Variants in SEMA5B observed in about 807,000 individuals in gnomAD.
The protein encoded by SEMA5B is semaphorin-5B.
A neutral mutation model predicts 135.0 loss-of-function variants in SEMA5B; 66 were observed. That is an observed-to-expected ratio of 0.49 (90% CI 0.40 to 0.60). SEMA5B has a LOEUF of 0.60. Ranked by LOEUF, SEMA5B falls within the 20% of genes least tolerant of loss-of-function variation. The probability of loss-of-function intolerance (pLI) is 0.00; values close to 1 mark genes in which losing one functional copy is unlikely to be tolerated. For missense variants in SEMA5B, 1,501 were observed against 1,566.3 expected (o/e 0.96, Z 0.70); for synonymous variants, 690 against 639.5 (o/e 1.08, Z -1.19).
intron 11 of SEMA5B, 58 bp from the exon 12 acceptor site, chr3:122,922,180 C>T: frequency 6.4e-7 from 1 of 1,566,938 alleles, no homozygotes; most frequent in Non-Finnish European, 8.7e-7. Flanking sequence ...AGCTTGCAGC[C>T]CCGCGCCGTC....
intron 1 of SEMA5B, among the ~76,000 whole-genome samples, chr3:122,993,742 TTGCCACCCGCTCTGGGAGGGTGATAA>T (rs1941946426): frequency 8.8e-6 from 1 of 114,250 alleles, no homozygotes; most frequent in East Asian, 2.6e-4. Flanking sequence ...CCCCGCCCCC[TTGCCACCCGCTCTGGGAGGGTGATAA>T]TGCCACCCCT....
intron 1 of SEMA5B, among the ~76,000 whole-genome samples, chr3:123,023,704 C>A (rs879405499): frequency 1.3e-5 from 2 of 152,226 alleles, no homozygotes; most frequent in Non-Finnish European, 2.9e-5. Context: ...GTCCCCCAGA[C>A]AAACCCACAG....
intron 1 of SEMA5B, among the ~76,000 whole-genome samples, chr3:122,976,766 G>A (rs560299930): frequency 3.9e-5 from 6 of 152,118 alleles, no homozygotes; most frequent in African/African-American, 1.2e-4. Flanking sequence ...AAAGCCCTCC[G>A]GGGCCAGGCG....
At chr3:123,014,086 C>A (rs1484652363) in intron 1 of SEMA5B, among the ~76,000 whole-genome samples, 2 of 152,216 alleles carry the variant, frequency 1.3e-5, no homozygotes, top group Non-Finnish European at 2.9e-5. Flanking sequence ...AGGGAACATG[C>A]AAATGAGGCT....
At chr3:122,918,292 C>G (rs138684072) in intron 12 of SEMA5B, among the ~76,000 whole-genome samples, 20 of 152,324 alleles carry the variant, frequency 1.3e-4, no homozygotes, top group African/African-American at 4.3e-4. Flanking sequence ...CATCTAGAGC[C>G]TAACCAGTTT....
Position 122,929,063 on chromosome 3 carries a change from G to A in SEMA5B, c.475-5C>T. ...ACTGGAGGCCCACTCTGTGGCCTGG[G>A]GGAGGAACATAGGAGCACACAGACA... On this transcript the variant is annotated splice_polypyrimidine_tract_variant and splice_region_variant and intron_variant, in intron 5 of 22. Transcript: ENST00000357599. 6.2e-7 allele frequency: 1 copy of A among 1,611,170 alleles called. No individual in the cohort carries two copies. The highest frequency in any genetic ancestry group is 8.5e-7 in the Non-Finnish European group (1 of 1,179,854).
Position 122,927,782 on chromosome 3 carries a change from C to T in SEMA5B, c.850+8G>A. On this transcript the variant is annotated splice_region_variant and intron_variant, in intron 8 of 22. Transcript: ENST00000357599. The stretch of plus-strand genomic sequence containing the variant: ...GAGTCCCCACCCCTGGCACTGGGGC[C>T]TCCTTACCATTAAGCCACTTGGAGT... 3 of 1,406,582 alleles carry T rather than the reference C, an allele frequency of 2.1e-6. No individual in the cohort carries two copies. The highest frequency in any genetic ancestry group is 2.9e-5 in the African/African-American group (2 of 67,974). The allele number at this position is 1,406,582 out of a possible 1,614,324, so 87.1% of individuals were successfully genotyped here. A position where few individuals can be genotyped will look rare whatever the true frequency, so the allele number is the denominator to read the frequency against.
At chr3:122,936,132 C>T (rs140965660) in intron 5 of SEMA5B, among the ~76,000 whole-genome samples, 12 of 152,256 alleles carry the variant, frequency 7.9e-5, no homozygotes, top group East Asian at 3.9e-4. Context: ...TGGAGAGAGA[C>T]GTGTCTGATC....
intron 1 of SEMA5B, among the ~76,000 whole-genome samples, chr3:123,011,199 T>C (rs1452897739): frequency 6.6e-6 from 1 of 152,178 alleles, no homozygotes; most frequent in East Asian, 1.9e-4. Context: ...AGAGTGTGTC[T>C]TGGGGTCGAA....
chr3:122,951,290 T>C (rs951909223), intron 2 of SEMA5B, among the ~76,000 whole-genome samples: 1 of 152,226 alleles, frequency 6.6e-6, no homozygotes, highest in East Asian at 1.9e-4. Flanking sequence ...TTGCTTATAT[T>C]AGCATTGATA....
chr3:122,972,309 A>C (rs1457878684), intron 1 of SEMA5B, among the ~76,000 whole-genome samples: 2 of 152,082 alleles, frequency 1.3e-5, no homozygotes, highest in African/African-American at 4.8e-5. Context: ...GCAGTGACTT[A>C]AGATGTATCT....
Position 122,943,493 on chromosome 3 carries a change from C to A in SEMA5B, c.371G>T (p.Arg124Leu). 1 of 1,610,358 alleles carries A rather than the reference C, an allele frequency of 6.2e-7. No homozygotes were observed. Among genetic ancestry groups the A allele is most frequent in the South Asian group, 1.1e-5 (1 of 89,560 alleles). Reference protein sequence around the residue: ...WVSNFTYPGARDFSQLALDPS... With the variant: ...WVSNFTYPGALDFSQLALDPS... Reference sequence around the variant, plus strand: ...GTCCAAAGCCAGCTGGGAGAAATCCCGGGCTCCAGGGTAGGTGAAGTTAGA... The same window carrying A: ...GTCCAAAGCCAGCTGGGAGAAATCCAGGGCTCCAGGGTAGGTGAAGTTAGA... Residue 124 changes from arginine (R) to leucine (L), a missense_variant, in exon 4 of 23, where the codon CGG (arginine) becomes CTG (leucine). Physicochemically the swap from Arg to Leu is moderately radical, Grantham distance 102. Coordinates refer to ENST00000357599, the MANE Select transcript of SEMA5B (RefSeq NM_001031702.4).
At chr3:122,992,864 A>G (rs1576396783) in intron 1 of SEMA5B, 2 of 151,764 alleles carry the variant, frequency 1.3e-5, no homozygotes, top group East Asian at 1.9e-4. Flanking sequence ...AGCCAGCACC[A>G]TCAGCCTGCT....
intron 1 of SEMA5B, among the ~76,000 whole-genome samples, chr3:123,010,537 G>A (rs992480884): frequency 7.9e-5 from 12 of 152,138 alleles, no homozygotes; most frequent in African/African-American, 2.9e-4. Flanking sequence ...TCGGCTGGAC[G>A]CAGTGCCTCA....
intron 4 of SEMA5B, among the ~76,000 whole-genome samples, chr3:122,942,145 T>C (rs6801284): frequency 0.078 from 11,880 of 152,066 alleles, 505 homozygotes; most frequent in Middle Eastern, 0.099. Context: ...AATTAAAAAA[T>C]TAAAAGAAAA....
intron 5 of SEMA5B, among the ~76,000 whole-genome samples, chr3:122,934,753 T>C (rs11719853): frequency 0.097 from 14,730 of 151,942 alleles, 794 homozygotes; most frequent in African/African-American, 0.15. Flanking sequence ...TGGTGGCTTA[T>C]ACCTGTAATC....
At chr3:122,945,025 G>A (rs866460600) in intron 3 of SEMA5B, among the ~76,000 whole-genome samples, 4 of 152,136 alleles carry the variant, frequency 2.6e-5, no homozygotes, top group African/African-American at 9.7e-5. Flanking sequence ...GAGAGAGTCT[G>A]TGTGTGTGTA....
chr3:122,915,901 G>T lies in SEMA5B; in HGVS notation c.1689-11C>A. 2 of 1,610,678 alleles carry T rather than the reference G, an allele frequency of 1.2e-6. 1 individual carries two copies. The highest frequency in any genetic ancestry group is 2.7e-5 in the African/African-American group (2 of 74,956). Reference sequence around the variant, plus strand: ...GCCCCCAGGCATGCCCTGCCAGACAGACGTCCTGAGATTCAAGCCCACTGG... The same window carrying T: ...GCCCCCAGGCATGCCCTGCCAGACATACGTCCTGAGATTCAAGCCCACTGG... On this transcript the variant is annotated splice_polypyrimidine_tract_variant and intron_variant, in intron 12 of 22. Coordinates refer to ENST00000357599, the MANE Select transcript of SEMA5B (RefSeq NM_001031702.4).
Position 122,948,498 on chromosome 3 carries a change from A to G in SEMA5B, c.328+8T>C, listed in dbSNP as rs761723144. 2 of 1,594,240 alleles carry G rather than the reference A, an allele frequency of 1.3e-6. No individual in the cohort carries two copies. The highest frequency in any genetic ancestry group is 1.7e-6 in the Non-Finnish European group (2 of 1,166,384). ...GCAAGACAGGGCCAAGTAGGAAGCA[A>G]CTCTTACCTTCAAAGGCCACGGTGG... On this transcript the variant is annotated splice_region_variant and intron_variant, in intron 3 of 22. Transcript: ENST00000357599.
Sources: allele counts gnomAD v4.1 joint callset (sites outside exome capture counted in the v4.1 genomes callset), GRCh38; gene constraint gnomAD v4.1.1; transcripts MANE v1.5; gene names NCBI Gene and HGNC (gene_info 2026-07-23, HGNC 2026-07-21).